Variants in SLC13A3 observed in about 807,000 individuals in gnomAD.
SLC13A3 encodes the protein solute carrier family 13 member 3.
A neutral mutation model predicts 59.0 loss-of-function variants in SLC13A3; 40 were observed. That is an observed-to-expected ratio of 0.68 (90% CI 0.53 to 0.88). SLC13A3 has a LOEUF of 0.88. SLC13A3 is among the 40% of genes least tolerant of loss of function. The pLI is 0.00. For missense variants in SLC13A3, 699 were observed against 783.2 expected (o/e 0.89, Z 1.28); for synonymous variants, 317 against 330.3 (o/e 0.96, Z 0.44).
At chr20:46,577,953 G>A (rs996983950) in intron 9 of SLC13A3, among the ~76,000 whole-genome samples, 3 of 152,038 alleles carry the variant, frequency 2.0e-5, no homozygotes, top group Non-Finnish European at 4.4e-5. Flanking sequence ...ACTCATCCCA[G>A]GGCTTTGCCC....
rs1325354081 is a variant in SLC13A3, at chr20:46,596,187, G to A, written c.764C>T (p.Pro255Leu). 2 of 1,613,880 alleles carry A rather than the reference G, an allele frequency of 1.2e-6. No homozygotes were observed. Among genetic ancestry groups the A allele is most frequent in the African/African-American group, 2.7e-5 (2 of 74,912 alleles). Reference protein sequence around the residue: ...GGTATLTGTAPNLILLGQLKS... With the variant: ...GGTATLTGTALNLILLGQLKS... Reference sequence around the variant, plus strand: ...GAGCTGGCCAAGCAGGATGAGGTTAGGGGCTGTGCCCGTGAGTGTGGCTGT... The same window carrying A: ...GAGCTGGCCAAGCAGGATGAGGTTAAGGGCTGTGCCCGTGAGTGTGGCTGT... The change falls in exon 5 of 13, where the codon CCT (proline) becomes CTT (leucine). Residue 255 changes from proline (P) to leucine (L), a missense_variant. Transcript: ENST00000279027.
At chr20:46,611,571 G>T (rs1269431870) in intron 2 of SLC13A3, among the ~76,000 whole-genome samples, 1 of 152,138 alleles carries the variant, frequency 6.6e-6, no homozygotes, top group East Asian at 1.9e-4. Context: ...AGAAACCTAG[G>T]AGTCATCCAG....
At chr20:46,630,980 G>T (rs1267845841) in intron 1 of SLC13A3, among the ~76,000 whole-genome samples, 2 of 152,136 alleles carry the variant, frequency 1.3e-5, no homozygotes, top group African/African-American at 4.8e-5. Context: ...ACATACAGTA[G>T]CTCAATACAT....
chr20:46,581,040 TGGG>T (rs1430026269), intron 9 of SLC13A3, among the ~76,000 whole-genome samples: 3 of 152,236 alleles, frequency 2.0e-5, no homozygotes, highest in Non-Finnish European at 4.4e-5. Flanking sequence ...ACACTGCCTA[TGGG>T]GTAGCCCCAC....
chr20:46,604,219 C>T (rs923999796), intron 3 of SLC13A3, among the ~76,000 whole-genome samples: 1 of 152,086 alleles, frequency 6.6e-6, no homozygotes, highest in Non-Finnish European at 1.5e-5. Flanking sequence ...ACTGCTCCTT[C>T]CTTACCCAGC....
intron 1 of SLC13A3, among the ~76,000 whole-genome samples, chr20:46,634,940 C>A (rs1218713897): frequency 6.6e-6 from 1 of 152,172 alleles, no homozygotes; most frequent in African/African-American, 2.4e-5. Flanking sequence ...CCCCTGTCAT[C>A]CTCTCCCGCA....
chr20:46,646,596 G>T (rs540555102), intron 1 of SLC13A3, among the ~76,000 whole-genome samples: 1 of 152,212 alleles, frequency 6.6e-6, no homozygotes, highest in South Asian at 2.1e-4. Context: ...TTCCAGCCCA[G>T]GCTCCCCTCT....
rs371169639 is a variant in SLC13A3, at chr20:46,632,930, T to C, written c.111+18381A>G. Among the ~76,000 whole-genome samples the C allele has an allele frequency of 9.3e-4, 119 of 127,316 alleles. 1 individual carries two copies. Among genetic ancestry groups the C allele is most frequent in the African/African-American group, 2.1e-3 (74 of 34,494 alleles). 83.5% of individuals were successfully genotyped at this position (127,316 alleles called of 152,430 possible). Reference sequence around the variant, plus strand: ...ATAGATATATCTATCTATCTATCTATCTATCTATCTATCTATCTATCTATC... The same window carrying C: ...ATAGATATATCTATCTATCTATCTACCTATCTATCTATCTATCTATCTATC... On this transcript the variant is annotated intron_variant, in intron 1 of 12. Coordinates refer to ENST00000279027, the MANE Select transcript of SLC13A3 (RefSeq NM_022829.6).
At chr20:46,618,599 G>T (rs1052506271) in intron 1 of SLC13A3, among the ~76,000 whole-genome samples, 5 of 152,196 alleles carry the variant, frequency 3.3e-5, no homozygotes, top group Non-Finnish European at 7.3e-5. Flanking sequence ...CCTTCCTTCT[G>T]CCATGTGAGG....
In SLC13A3 at chr20:46,651,402, G is replaced by A; in HGVS notation, c.20C>T (p.Ala7Val). The A allele has an allele frequency of 6.7e-7, 1 of 1,492,866 alleles. No homozygotes were observed. Among genetic ancestry groups the A allele is most frequent in the Non-Finnish European group, 8.9e-7 (1 of 1,126,414 alleles). The allele number at this position is 1,492,866 out of a possible 1,614,324, so 92.5% of individuals were successfully genotyped here. A position where few individuals can be genotyped will look rare whatever the true frequency, so the allele number is the denominator to read the frequency against. The change falls in exon 1 of 13, where the codon GCG (alanine) becomes GTG (valine). Residue 7 changes from alanine (A) to valine (V), a missense_variant. Transcript: ENST00000279027. MAALAAAAKKVWSARRL... is the reference protein window; with the variant it reads MAALAAVAKKVWSARRL... The stretch of plus-strand genomic sequence containing the variant: ...CCGCGCGCTCCACACCTTCTTGGCC[G>A]CTGCTGCCAGCGCCGCCATCAGCGC...
At chr20:46,563,231 T>G (rs1446042775) in intron 12 of SLC13A3, among the ~76,000 whole-genome samples, 183 bp downstream of exon 12, 1 of 152,192 alleles carries the variant, frequency 6.6e-6, no homozygotes, top group Non-Finnish European at 1.5e-5. Context: ...TTCCTGAGAT[T>G]GTCTAAGTGC....
At chr20:46,618,927 T>A (rs549114100) in intron 1 of SLC13A3, among the ~76,000 whole-genome samples, 37 of 152,314 alleles carry the variant, frequency 2.4e-4, no homozygotes, top group African/African-American at 8.7e-4. Flanking sequence ...CGAACTTCAG[T>A]TGCCTTTCAG....
At chr20:46,647,226 C>A (rs375105181) in intron 1 of SLC13A3, among the ~76,000 whole-genome samples, 12 of 152,316 alleles carry the variant, frequency 7.9e-5, no homozygotes, top group African/African-American at 2.9e-4. Flanking sequence ...AGCAGCCTTG[C>A]CGAGAGCATC....
chr20:46,569,545 GA>G (rs2062011590), intron 10 of SLC13A3, among the ~76,000 whole-genome samples: 1 of 152,198 alleles, frequency 6.6e-6, no homozygotes, highest in Admixed American at 6.5e-5. Context: ...GAGGGATAAT[GA>G]TAGTGCCTGT....
At chr20:46,572,488 C>T (rs2062037924) in intron 10 of SLC13A3, among the ~76,000 whole-genome samples, 2 of 152,156 alleles carry the variant, frequency 1.3e-5, no homozygotes, top group South Asian at 4.1e-4. Context: ...GTGCTCCCCA[C>T]ACCACTTCTG....
intron 1 of SLC13A3, among the ~76,000 whole-genome samples, chr20:46,640,587 C>T (rs2122852251): frequency 1.3e-5 from 2 of 152,304 alleles, no homozygotes; most frequent in African/African-American, 4.8e-5. Flanking sequence ...CGTGTCAGCA[C>T]CTTTGAGCCT....
At chr20:46,567,158 CT>C (rs2061988361) in intron 10 of SLC13A3, among the ~76,000 whole-genome samples, 1 of 152,132 alleles carries the variant, frequency 6.6e-6, no homozygotes, top group Non-Finnish European at 1.5e-5. Flanking sequence ...CGCCACTGCA[CT>C]CCAGCCTGGG....
chr20:46,637,126 C>T lies in SLC13A3; in HGVS notation c.111+14185G>A, dbSNP rs561864915. On this transcript the variant is annotated intron_variant, in intron 1 of 12. Coordinates refer to ENST00000279027, the MANE Select transcript of SLC13A3 (RefSeq NM_022829.6). ...ACATTTTCAATTCTCTTATGTTTAC[C>T]ATCATCCCAGCTCCACCTGGGTCCA... is the stretch of plus-strand genomic sequence containing the variant. Among the ~76,000 whole-genome samples, 8 of 152,238 alleles carry T rather than the reference C, an allele frequency of 5.3e-5. No individual in the cohort carries two copies. In the East Asian group the frequency reaches 7.7e-4, roughly 15 times the overall value.
intron 1 of SLC13A3, among the ~76,000 whole-genome samples, chr20:46,680,316 C>A (rs774475718): frequency 1.3e-5 from 2 of 152,224 alleles, no homozygotes; most frequent in Non-Finnish European, 1.5e-5. Context: ...TTGCTGTTCT[C>A]TAAAAATAGT....
Sources: gnomAD v4.1 joint callset for allele counts (sites outside exome capture counted in the v4.1 genomes callset) on GRCh38, gnomAD v4.1.1 for gene constraint, MANE v1.5 for transcripts, NCBI Gene and HGNC (gene_info 2026-07-23, HGNC 2026-07-21) for gene names.